GFRA2: variants seen among roughly 807,000 people sequenced by gnomAD.
GFRA2 encodes the protein GDNF family receptor alpha 2, also known as GDNF family receptor alpha-2.
A neutral mutation model predicts 48.3 loss-of-function variants in GFRA2; 17 were observed. That is an observed-to-expected ratio of 0.35 (90% CI 0.24 to 0.53). The LOEUF is 0.53. GFRA2 is among the 20% of genes least tolerant of loss of function. The pLI is 0.93. For synonymous variants in GFRA2, 305 were observed against 257.2 expected (o/e 1.19, Z -1.78); for missense variants, 660 against 637.3 (o/e 1.04, Z -0.38).
At chr8:21,708,580 T>C (rs758129729) in intron 4 of GFRA2, among the ~76,000 whole-genome samples, 2 of 152,206 alleles carry the variant, frequency 1.3e-5, no homozygotes, top group Non-Finnish European at 2.9e-5. Context: ...ATAAGATCTT[T>C]GCAGATGTAA....
chr8:21,792,065 G>A (rs1469824562), upstream of GFRA2, among the ~76,000 whole-genome samples: 1 of 152,112 alleles, frequency 6.6e-6, no homozygotes, highest in African/African-American at 2.4e-5. Context: ...AGATCCTAGA[G>A]TCCAAATCTG....
intron 7 of GFRA2, among the ~76,000 whole-genome samples, chr8:21,698,428 T>A (rs577270131): frequency 1.1e-4 from 17 of 152,282 alleles, no homozygotes; most frequent in African/African-American, 4.1e-4. Context: ...ATTGTCTTCC[T>A]CCTCTTCCTT....
At chr8:21,790,288 A>C (rs1315430109), upstream of GFRA2, among the ~76,000 whole-genome samples, 3 of 152,126 alleles carry the variant, frequency 2.0e-5, no homozygotes, top group African/African-American at 7.2e-5. Flanking sequence ...GCGCGCACAC[A>C]CGGTGTCCTG....
At chr8:21,730,959 G>A (rs1259149898) in intron 4 of GFRA2, among the ~76,000 whole-genome samples, 3 of 152,134 alleles carry the variant, frequency 2.0e-5, no homozygotes, top group Non-Finnish European at 1.5e-5. Context: ...ACAGCGAGAC[G>A]AGGTAGATTC....
At chr8:21,784,815 G>A (rs936031666) in intron 1 of GFRA2, among the ~76,000 whole-genome samples, 17 of 152,128 alleles carry the variant, frequency 1.1e-4, no homozygotes, top group African/African-American at 4.1e-4. Context: ...CCCGGCACTG[G>A]CTGGAGAGCT....
At chr8:21,738,970 G>A (rs1348547995) in intron 4 of GFRA2, among the ~76,000 whole-genome samples, 2 of 152,184 alleles carry the variant, frequency 1.3e-5, no homozygotes, top group Non-Finnish European at 2.9e-5. Context: ...TCCGTGCTGT[G>A]AAGAACATGC....
In GFRA2 at chr8:21,702,945, C is replaced by A; in HGVS notation, c.1078G>T (p.Asp360Tyr). 6.4e-7 allele frequency: 1 copy of A among 1,551,730 alleles called. No individual in the cohort carries two copies. Among genetic ancestry groups the A allele is most frequent in the Non-Finnish European group, 8.7e-7 (1 of 1,155,046 alleles). ...GGGCCTTTTGGGGACACGTTCACGTCCGTGCCGTTGCCAAAGGCCTGGATG... is the reference window on the plus strand; with the variant it reads ...GGGCCTTTTGGGGACACGTTCACGTACGTGCCGTTGCCAAAGGCCTGGATG... ...NAIQAFGNGT[D>Y]VNVSPKGPSF... The change falls in exon 7 of 9, where the codon GAC becomes TAC. Residue 360 changes from aspartate to tyrosine, a missense_variant. Coordinates refer to ENST00000524240, the MANE Select transcript of GFRA2 (RefSeq NM_001495.5).
At chr8:21,759,742 A>T (rs905609759) in intron 3 of GFRA2, among the ~76,000 whole-genome samples, 7 of 151,882 alleles carry the variant, frequency 4.6e-5, no homozygotes, top group African/African-American at 1.7e-4. Context: ...TACAAAAATG[A>T]GCCGAGTGTG....
intron 7 of GFRA2, among the ~76,000 whole-genome samples, chr8:21,699,310 T>G (rs1315552713): frequency 1.3e-5 from 2 of 151,942 alleles, no homozygotes; most frequent in Non-Finnish European, 2.9e-5. Context: ...GGCTGCAGAG[T>G]CGGCTGCAGG....
chr8:21,805,930 GA>G (rs553936338), intron 1 of GFRA2, among the ~76,000 whole-genome samples: 384 of 152,342 alleles, frequency 2.5e-3, no homozygotes, highest in African/African-American at 8.6e-3. Context: ...CTGCAGGGCA[GA>G]AGGTTTGAGC....
intron 4 of GFRA2, among the ~76,000 whole-genome samples, chr8:21,749,381 C>T (rs1397110491): frequency 6.6e-6 from 1 of 151,990 alleles, no homozygotes; most frequent in Non-Finnish European, 1.5e-5. Context: ...TATTTTTACT[C>T]CTATTTTATA....
At chr8:21,694,672 C>A (rs1214340706) in intron 7 of GFRA2, among the ~76,000 whole-genome samples, 155 bp from the exon 8 acceptor site, 1 of 152,216 alleles carries the variant, frequency 6.6e-6, no homozygotes, top group African/African-American at 2.4e-5. Flanking sequence ...CCACCCAGCA[C>A]AAAAGGCTTC....
intron 4 of GFRA2, among the ~76,000 whole-genome samples, chr8:21,728,153 C>T (rs1354454002): frequency 6.6e-6 from 1 of 152,074 alleles, no homozygotes; most frequent in Non-Finnish European, 1.5e-5. Context: ...TGTGCCCGCC[C>T]ACTGTGGTTC....
At chr8:21,698,482 G>A (rs542397656) in intron 7 of GFRA2, among the ~76,000 whole-genome samples, 6 of 152,268 alleles carry the variant, frequency 3.9e-5, no homozygotes, top group African/African-American at 1.4e-4. Context: ...GGCATTCCCA[G>A]AGCCTCGCTG....
Position 21,693,101 on chromosome 8 carries a change from T to C in GFRA2, c.*177A>G. ...CAGGCTGCCTGCCTGCTTGTCTGTT[T>C]GGTTTACAAAAACTTCTCCAGAGAA... On this transcript the variant is annotated 3_prime_UTR_variant, in exon 9 of 9. Transcript: ENST00000524240. The C allele has an allele frequency of 5.9e-6, 3 of 511,358 alleles. No homozygotes were observed. Among genetic ancestry groups the C allele is most frequent in the South Asian group, 7.1e-5 (2 of 27,980 alleles). The allele number at this position is 511,358 out of a possible 1,614,324, so 31.7% of individuals were successfully genotyped here.
At chr8:21,697,784 CT>C (rs1802281722) in intron 7 of GFRA2, among the ~76,000 whole-genome samples, 1 of 152,148 alleles carries the variant, frequency 6.6e-6, no homozygotes. Flanking sequence ...CCATGCTGTT[CT>C]CGTGGTAGTG....
chr8:21,716,287 C>T (rs557003189), intron 4 of GFRA2, among the ~76,000 whole-genome samples: 268 of 146,628 alleles, frequency 1.8e-3, no homozygotes, highest in African/African-American at 6.5e-3. Flanking sequence ...CACACTACTG[C>T]GCTCCAGCCT....
intron 4 of GFRA2, among the ~76,000 whole-genome samples, chr8:21,713,170 G>C (rs1803158448): frequency 6.6e-6 from 1 of 152,084 alleles, no homozygotes; most frequent in South Asian, 2.1e-4. Context: ...TGTTGGATCT[G>C]GCAACTCTGT....
rs190358848 is a variant in GFRA2, at chr8:21,715,417, T to A, written c.795-9376A>T. ...TCCGCTTCCCAGGTTCAGGCGATTC[T>A]TCTGCCTCAGCCTCCCAAGCAGTCG... is the stretch of plus-strand genomic sequence containing the variant. On this transcript the variant is annotated intron_variant, in intron 4 of 8. Coordinates refer to ENST00000524240, the MANE Select transcript of GFRA2 (RefSeq NM_001495.5). 4.8e-3 allele frequency among the ~76,000 whole-genome samples: 732 copies of A among 152,356 alleles called. 5 individuals are homozygous for A. Among genetic ancestry groups the A allele is most frequent in the African/African-American group, 0.017 (696 of 41,586 alleles).
Sources: gnomAD v4.1 joint callset for allele counts (sites outside exome capture counted in the v4.1 genomes callset) on GRCh38, gnomAD v4.1.1 for gene constraint, MANE v1.5 for transcripts, NCBI Gene and HGNC (gene_info 2026-07-23, HGNC 2026-07-21) for gene names.